Variants in CELF2 observed in about 807,000 individuals in gnomAD.
CELF2 encodes the protein CUG triplet repeat RNA-binding protein 2.
A neutral mutation model predicts 62.6 loss-of-function variants in CELF2; 8 were observed. The observed-to-expected ratio is 0.13, with a 90% CI of 0.07 to 0.23. The LOEUF (loss-of-function observed/expected upper bound fraction) is 0.23, where lower values mean the gene tolerates loss of function less well. CELF2 is among the 10% of genes least tolerant of loss of function. The probability of loss-of-function intolerance (pLI) is 1.00; values close to 1 mark genes in which losing one functional copy is unlikely to be tolerated. For missense variants in CELF2, 333 were observed against 671.0 expected, an observed-to-expected ratio of 0.50 and a Z score of 5.56; for synonymous variants, 258 against 250.0, an observed-to-expected ratio of 1.03 and a Z score of -0.30.
the CELF2 span, among the ~76,000 whole-genome samples, chr10:10,547,162 C>T: frequency 1.3e-5 from 2 of 151,414 alleles, no homozygotes; most frequent in African/African-American, 2.4e-5. Flanking sequence ...TGTAGGGAGC[C>T]GAGCATCTTG....
rs189674343 is a variant in CELF2, at chr10:11,190,041, G to A, written c.271+24359G>A. Among the ~76,000 whole-genome samples the A allele has an allele frequency of 9.5e-4, 145 of 152,208 alleles. 1 individual carries two copies. The highest frequency in any genetic ancestry group is 9.2e-3 in the Admixed American group (141 of 15,294). The stretch of plus-strand genomic sequence containing the variant: ...TTTCCTGCACATTTTTAACACATTT[G>A]CAAGTTGTAAATTATCTTCTTTCTG... On this transcript the variant is annotated intron_variant, in intron 2 of 12. Transcript: ENST00000633077.
chr10:10,886,606 G>A (rs565269465), intron 1 of CELF2, among the ~76,000 whole-genome samples: 15 of 152,334 alleles, frequency 9.8e-5, no homozygotes, highest in South Asian at 2.1e-4. Flanking sequence ...GGAGGCCAAG[G>A]CAGGAGGATG....
At chr10:11,064,675 C>T (rs2067623874) in intron 1 of CELF2, among the ~76,000 whole-genome samples, 3 of 152,080 alleles carry the variant, frequency 2.0e-5, no homozygotes, top group Non-Finnish European at 4.4e-5. Flanking sequence ...ATCTCTTCCC[C>T]ACCCCCCAAA....
In CELF2 at chr10:10,936,936, A is replaced by C. The variant is rs1342284175; in HGVS notation, c.89+16937A>C. ...ATTCTGGTCCTCAGACCATCCTTTG[A>C]GGAGCAAACGACTACAGAGCCACCA... On this transcript the variant is annotated intron_variant, in intron 2 of 13. Coordinates refer to the CELF2 transcript ENST00000636488. The surrounding 1 kb of genome is among the most constrained non-coding windows in gnomAD (Gnocchi z 4.0). Among the ~76,000 whole-genome samples, 1 of 152,098 alleles carries C rather than the reference A, an allele frequency of 6.6e-6. No homozygotes were observed. The highest frequency in any genetic ancestry group is 2.4e-5 in the African/African-American group (1 of 41,400).
intron 11 of CELF2, among the ~76,000 whole-genome samples, chr10:11,325,236 A>G (rs1591610507): frequency 6.6e-6 from 1 of 152,186 alleles, no homozygotes; most frequent in East Asian, 1.9e-4. Flanking sequence ...CATTCCTCTC[A>G]AAGTCATGAG....
At chr10:10,589,037 A>T in the CELF2 span, among the ~76,000 whole-genome samples, 1 of 152,214 alleles carries the variant, frequency 6.6e-6, no homozygotes, top group Admixed American at 6.5e-5. Flanking sequence ...TACTAATGAC[A>T]TGTGCCCAAG....
At chr10:11,272,999 G>T (rs1477725473) in intron 7 of CELF2, among the ~76,000 whole-genome samples, 2 of 152,120 alleles carry the variant, frequency 1.3e-5, no homozygotes, top group African/African-American at 4.8e-5. Flanking sequence ...CCGAAATAAG[G>T]CCTTGCTATT....
chr10:11,162,582 G>C (rs552115649), intron 1 of CELF2, among the ~76,000 whole-genome samples: 1 of 150,938 alleles, frequency 6.6e-6, no homozygotes, highest in Admixed American at 6.6e-5. Flanking sequence ...AGTAAATGTA[G>C]GTTTCAAAGT....
the CELF2 span, among the ~76,000 whole-genome samples, chr10:10,672,313 T>C: frequency 1.3e-5 from 2 of 152,198 alleles, no homozygotes; most frequent in African/African-American, 4.8e-5. Flanking sequence ...AAAAAGTCAT[T>C]GCCAAATCCA....
At chr10:10,878,559 G>A (rs944123078) in intron 1 of CELF2, among the ~76,000 whole-genome samples, 3 of 152,098 alleles carry the variant, frequency 2.0e-5, no homozygotes, top group Non-Finnish European at 4.4e-5. Context: ...ATACACACAC[G>A]TCCAAGTGGG....
chr10:10,525,010 T>C, the CELF2 span, among the ~76,000 whole-genome samples: 1 of 152,236 alleles, frequency 6.6e-6, no homozygotes, highest in African/African-American at 2.4e-5. Flanking sequence ...GTGTACACTG[T>C]CATCTTTCAT....
At chr10:10,873,826 C>T (rs1437061885) in intron 1 of CELF2, among the ~76,000 whole-genome samples, 1 of 152,178 alleles carries the variant, frequency 6.6e-6, no homozygotes. Flanking sequence ...AGACCTTCAC[C>T]CCTTTGTCCA....
the CELF2 span, among the ~76,000 whole-genome samples, chr10:10,473,425 G>A: frequency 6.6e-6 from 1 of 151,928 alleles, no homozygotes; most frequent in East Asian, 1.9e-4. Context: ...ACTGCGATGT[G>A]ATATATTTGT....
chr10:10,980,324 A>G (rs1395518579), intron 2 of CELF2, among the ~76,000 whole-genome samples: 1 of 152,144 alleles, frequency 6.6e-6, no homozygotes, highest in Non-Finnish European at 1.5e-5. Context: ...ATTTCAAAGA[A>G]GTTATGTCAC....
intron 3 of CELF2, among the ~76,000 whole-genome samples, chr10:11,222,468 A>G (rs545049264): frequency 1.6e-4 from 25 of 152,332 alleles, no homozygotes; most frequent in Middle Eastern, 3.4e-3. Context: ...TAAAATTATC[A>G]TGGAAAACAA....
chr10:11,190,612 C>T (rs1289959646), intron 2 of CELF2, among the ~76,000 whole-genome samples: 1 of 148,266 alleles, frequency 6.7e-6, no homozygotes, highest in Non-Finnish European at 1.5e-5. Context: ...AGGAATTGTT[C>T]TTTTAAAAAA....
rs1480104494 is a variant in CELF2, at chr10:11,207,828, A to G, written c.272-9597A>G. ...ACGGTTTCCTTAAAAGTAGATTTCT[A>G]CAGGATGAGGCGTTCGTATTTGGGT... On this transcript the variant is annotated intron_variant, in intron 2 of 12. Coordinates refer to ENST00000633077, the MANE Select transcript of CELF2 (RefSeq NM_001326342.2). This position sits in a 1 kb window ranked among gnomAD's most constrained non-coding sequence, Gnocchi z 4.1. Among the ~76,000 whole-genome samples the G allele has an allele frequency of 2.6e-5, 4 of 152,232 alleles. No individual in the cohort carries two copies. In the South Asian group the frequency reaches 6.2e-4, roughly 24 times the overall value.
intron 1 of CELF2, among the ~76,000 whole-genome samples, chr10:11,029,640 G>T (rs1484768096): frequency 6.6e-6 from 1 of 152,196 alleles, no homozygotes. Context: ...AGGCAGGGGG[G>T]CCTTTGGCAA....
chr10:10,536,669 G>T, the CELF2 span, among the ~76,000 whole-genome samples: 1 of 152,218 alleles, frequency 6.6e-6, no homozygotes, highest in Non-Finnish European at 1.5e-5. Context: ...ATGAAGCAGG[G>T]TCTGTGAAAA....
Sources: gnomAD v4.1 joint callset for allele counts (sites outside exome capture counted in the v4.1 genomes callset) on GRCh38, gnomAD v4.1.1 for gene constraint, Gnocchi (gnomAD v3.1) non-coding constraint, MANE v1.5 for transcripts, NCBI Gene and HGNC (gene_info 2026-07-23, HGNC 2026-07-21) for gene names.